The following CEACAM3 variants were observed in gnomAD, a reference collection of about 807,000 sequenced individuals.
CEACAM3 encodes the protein CEA cell adhesion molecule 3, also known as cell adhesion molecule CEACAM3.
CEACAM3 carries 32 observed loss-of-function variants against 30.1 expected under a neutral mutation model. The observed-to-expected ratio is 1.06, with a 90% CI of 0.80 to 1.43. The LOEUF (loss-of-function observed/expected upper bound fraction) is 1.43, where lower values mean the gene tolerates loss of function less well. CEACAM3 is among the 40% of genes most tolerant of loss of function. CEACAM3 has a pLI of 0.00. For synonymous variants in CEACAM3, 134 were observed against 127.2 expected (o/e 1.05, Z -0.36); for missense variants, 290 against 316.3 (o/e 0.92, Z 0.63).
intron 2 of CEACAM3, among the ~76,000 whole-genome samples, chr19:41,804,804 C>T (rs1380306940): frequency 6.6e-6 from 1 of 151,554 alleles, no homozygotes; most frequent in Admixed American, 6.6e-5. Flanking sequence ...ATAATTTCCA[C>T]TGATAGAAAA....
At chr19:41,810,478 C>A in intron 5 of CEACAM3, 124 bp downstream of exon 5, 1 of 1,163,694 alleles carries the variant, frequency 8.6e-7, no homozygotes, top group Non-Finnish European at 1.2e-6. Flanking sequence ...CAGGACAAGG[C>A]TAGCCCTGCC....
At chr19:41,802,705 G>A (rs2073161972) in intron 2 of CEACAM3, among the ~76,000 whole-genome samples, 1 of 152,170 alleles carries the variant, frequency 6.6e-6, no homozygotes, top group Admixed American at 6.5e-5. Context: ...AGCGGGAGGG[G>A]GAAAGGAATT....
intron 5 of CEACAM3, among the ~76,000 whole-genome samples, chr19:41,810,629 C>T (rs1024852718): frequency 3.9e-5 from 6 of 152,156 alleles, no homozygotes; most frequent in African/African-American, 1.4e-4. Flanking sequence ...AGTCAGGGGC[C>T]CACATTAACA....
chr19:41,801,975 G>A (rs782689733), intron 2 of CEACAM3, among the ~76,000 whole-genome samples: 4 of 152,168 alleles, frequency 2.6e-5, no homozygotes, highest in Non-Finnish European at 5.9e-5. Flanking sequence ...AATCATCCTT[G>A]CTTCAAAGTT....
intron 3 of CEACAM3, chr19:41,809,224 G>C (rs1454918262): frequency 5.6e-6 from 1 of 179,962 alleles, no homozygotes. Context: ...AAGGAGGGAG[G>C]GAAGTAGGGA....
At chr19:41,807,383 G>A in intron 2 of CEACAM3, 3 of 1,583,452 alleles carry the variant, frequency 1.9e-6, no homozygotes, top group Non-Finnish European at 2.6e-6. Flanking sequence ...CACGCTGAAT[G>A]TCCTCTGTAT....
At chr19:41,803,463 T>TTG (rs2073171175) in intron 2 of CEACAM3, among the ~76,000 whole-genome samples, 1 of 103,186 alleles carries the variant, frequency 9.7e-6, no homozygotes, top group African/African-American at 2.8e-5. Flanking sequence ...TGTGTGTTGT[T>TTG]TTGTTTGTTT....
intron 2 of CEACAM3, among the ~76,000 whole-genome samples, chr19:41,806,087 G>A (rs551655359): frequency 2.6e-5 from 4 of 152,220 alleles, no homozygotes; most frequent in African/African-American, 4.8e-5. Context: ...GAGTGCAGTC[G>A]TGTAATCTCG....
rs1179170032 is a variant in CEACAM3, at chr19:41,803,470, G to GTT, written c.425-5330_425-5329dup. On this transcript the variant is annotated intron_variant, in intron 2 of 6. Transcript: ENST00000357396. ...TGTGTGTGTGTGTGTTGTTTTGTTT[G>GTT]TTTTTTTTTTTTTTGAGACAGAGTC... Among the ~76,000 whole-genome samples the GTT allele has an allele frequency of 6.5e-3, 846 of 130,686 alleles. 10 individuals are homozygous for GTT. Among genetic ancestry groups the GTT allele is most frequent in the African/African-American group, 0.018 (648 of 35,168 alleles). 85.7% of individuals were successfully genotyped at this position (130,686 alleles called of 152,430 possible).
At chr19:41,806,991 C>T in intron 2 of CEACAM3, 1 of 1,535,092 alleles carries the variant, frequency 6.5e-7, no homozygotes, top group Non-Finnish European at 8.8e-7. Flanking sequence ...CCGGCCTTGT[C>T]TTGGTCTTTT....
chr19:41,809,343 A>C, intron 3 of CEACAM3: 2 of 176,054 alleles, frequency 1.1e-5, no homozygotes, highest in African/African-American at 2.4e-5. Context: ...CCGTCACACA[A>C]TGGGGAGTGG....
chr19:41,800,132 G>A (rs2073134125), intron 2 of CEACAM3, among the ~76,000 whole-genome samples: 1 of 152,154 alleles, frequency 6.6e-6, no homozygotes, highest in Non-Finnish European at 1.5e-5. Flanking sequence ...TTAGTTGGTA[G>A]CAATTACTCT....
At position 41,811,323 on chromosome 19, in the gene CEACAM3, C is replaced by A; in HGVS notation, c.*86C>A. The A allele has an allele frequency of 8.7e-7, 1 of 1,148,016 alleles. No homozygotes were observed. Among genetic ancestry groups the A allele is most frequent in the Non-Finnish European group, 1.3e-6 (1 of 765,146 alleles). 71.1% of individuals were successfully genotyped at this position (1,148,016 alleles called of 1,614,324 possible). A position where few individuals can be genotyped will look rare whatever the true frequency, so the allele number is the denominator to read the frequency against. On this transcript the variant is annotated 3_prime_UTR_variant, in exon 7 of 7. Coordinates refer to ENST00000357396, the MANE Select transcript of CEACAM3 (RefSeq NM_001815.5). ...GATGGGGAAGGACATGAAGCCTGAG[C>A]CAGAGAACCAGCTATAAGTCCTGAG...
chr19:41,810,718 TG>T, intron 5 of CEACAM3, 113 bp from the exon 6 acceptor site: 1 of 988,294 alleles, frequency 1.0e-6, no homozygotes, highest in Non-Finnish European at 1.6e-6. Flanking sequence ...GGGGCAGAGC[TG>T]GTCACTCCTG....
Position 41,796,653 on chromosome 19 carries a change from G to A in CEACAM3, c.-25G>A. 6.2e-7 allele frequency: 1 copy of A among 1,613,250 alleles called. No individual in the cohort carries two copies. The highest frequency in any genetic ancestry group is 8.5e-7 in the Non-Finnish European group (1 of 1,179,146). On this transcript the variant is annotated 5_prime_UTR_variant, in exon 1 of 7. Transcript: ENST00000357396. The stretch of plus-strand genomic sequence containing the variant: ...GGAGCCCAGGCTCTTTTCCACAGAG[G>A]AGGAAAGAGCAGGCAGCAGAGACCA...
At chr19:41,804,879 T>G (rs2073186000) in intron 2 of CEACAM3, among the ~76,000 whole-genome samples, 1 of 151,982 alleles carries the variant, frequency 6.6e-6, no homozygotes, top group South Asian at 2.1e-4. Context: ...CTCCTTTGTC[T>G]AAACTCCTGA....
chr19:41,804,252 T>C (rs1437611039), intron 2 of CEACAM3, among the ~76,000 whole-genome samples: 5 of 144,256 alleles, frequency 3.5e-5, no homozygotes, highest in Non-Finnish European at 4.7e-5. Context: ...CTGTGCTGTC[T>C]GATGGGCCCA....
At position 41,803,756 on chromosome 19, in the gene CEACAM3, A is replaced by G. The variant is rs1467691101; in HGVS notation, c.425-5057A>G. On this transcript the variant is annotated intron_variant, in intron 2 of 6. Coordinates refer to ENST00000357396, the MANE Select transcript of CEACAM3 (RefSeq NM_001815.5). ...GCTGGGATTACAGGCATGAGCCACC[A>G]TGCCCGGCCTGAAACAGCAAAGCTT... is the stretch of plus-strand genomic sequence containing the variant. Among the ~76,000 whole-genome samples, 6 of 55,558 alleles carry G rather than the reference A, an allele frequency of 1.1e-4. 1 individual carries two copies. The highest frequency in any genetic ancestry group is 2.0e-4 in the African/African-American group (6 of 29,906). 36.4% of individuals were successfully genotyped at this position (55,558 alleles called of 152,430 possible).
At chr19:41,806,755 C>G (rs1432647530) in intron 2 of CEACAM3, among the ~76,000 whole-genome samples, 1 of 152,064 alleles carries the variant, frequency 6.6e-6, no homozygotes, top group African/African-American at 2.4e-5. Context: ...GGTGCGATCT[C>G]GGCTCACTGC....
Sources: gnomAD v4.1 joint callset for allele counts (sites outside exome capture counted in the v4.1 genomes callset) on GRCh38, gnomAD v4.1.1 for gene constraint, MANE v1.5 for transcripts, NCBI Gene and HGNC (gene_info 2026-07-23, HGNC 2026-07-21) for gene names.